Variants in FGD5 observed in about 807,000 individuals in gnomAD.
FGD5 encodes FYVE, RhoGEF and PH domain-containing protein 5.
Under a neutral mutation model 133.4 loss-of-function variants are expected in FGD5, and 28 were observed. The ratio of observed to expected loss-of-function variants is 0.21; its 90% confidence interval spans 0.16 to 0.29. FGD5 has a LOEUF of 0.29. FGD5 is among the 10% of genes least tolerant of loss of function. The probability of loss-of-function intolerance (pLI) is 1.00; values close to 1 mark genes in which losing one functional copy is unlikely to be tolerated. For synonymous variants in FGD5, 810 were observed against 776.5 expected (o/e 1.04, Z -0.72); for missense variants, 1,858 against 1,895.2 (o/e 0.98, Z 0.36).
At chr3:14,825,215 T>TA (rs1395191187) in intron 1 of FGD5, among the ~76,000 whole-genome samples, 1 of 152,238 alleles carries the variant, frequency 6.6e-6, no homozygotes, top group Admixed American at 6.5e-5. Flanking sequence ...TGTTAGTAGC[T>TA]ATAGTAATAC....
chr3:14,914,006 C>T (rs959472434), intron 11 of FGD5, among the ~76,000 whole-genome samples: 1 of 152,178 alleles, frequency 6.6e-6, no homozygotes, highest in African/African-American at 2.4e-5. Flanking sequence ...AGGCCTGCAT[C>T]CCTCTGATTA....
intron 2 of FGD5, among the ~76,000 whole-genome samples, chr3:14,879,348 C>G (rs1036196481): frequency 8.5e-5 from 13 of 152,244 alleles, no homozygotes; most frequent in African/African-American, 3.1e-4. Flanking sequence ...TCTCTGGATC[C>G]CAGCCACTAG....
intron 4 of FGD5, chr3:14,882,329 C>T: frequency 1.0e-6 from 1 of 985,110 alleles, no homozygotes; most frequent in South Asian, 4.7e-5. Context: ...TGCTTCCTGC[C>T]AGTTGGAAAG....
At chr3:14,845,064 T>A (rs185651066) in intron 1 of FGD5, among the ~76,000 whole-genome samples, 91 of 152,248 alleles carry the variant, frequency 6.0e-4, no homozygotes, top group Admixed American at 1.2e-3. Context: ...TTAGCAGAAA[T>A]TCTGCCTCCA....
At chr3:14,833,930 G>A (rs1397390786) in intron 1 of FGD5, among the ~76,000 whole-genome samples, 1 of 152,138 alleles carries the variant, frequency 6.6e-6, no homozygotes, top group Non-Finnish European at 1.5e-5. Flanking sequence ...CAGGTAGAAG[G>A]GGTGGGAAGG....
chr3:14,888,404 T>C (rs1311997050), intron 4 of FGD5, among the ~76,000 whole-genome samples: 1 of 152,184 alleles, frequency 6.6e-6, no homozygotes, highest in Non-Finnish European at 1.5e-5. Flanking sequence ...TGTTGCTTTT[T>C]CAGACTGGCA....
chr3:14,850,430 C>T (rs550893257), intron 1 of FGD5, among the ~76,000 whole-genome samples: 2 of 152,286 alleles, frequency 1.3e-5, no homozygotes, highest in East Asian at 1.9e-4. Context: ...CTTGTCTGGC[C>T]ACAGTGTTCT....
At chr3:14,814,944 C>T (rs2087920), upstream of FGD5, among the ~76,000 whole-genome samples, 7,465 of 152,204 alleles carry the variant, frequency 0.049, 620 homozygotes, top group African/African-American at 0.17. Context: ...CCCCTCAGCT[C>T]TCCCTTCCTG....
chr3:14,921,644 C>T (rs1179113504), intron 13 of FGD5, among the ~76,000 whole-genome samples: 1 of 152,212 alleles, frequency 6.6e-6, no homozygotes, highest in Non-Finnish European at 1.5e-5. Flanking sequence ...TGTGGTTCCA[C>T]GTCCCACATC....
intron 2 of FGD5, among the ~76,000 whole-genome samples, chr3:14,873,458 A>G (rs17040460): frequency 0.14 from 21,893 of 152,166 alleles, 1,912 homozygotes; most frequent in East Asian, 0.39. Context: ...ATAGGAGGCA[A>G]AAACAGATGG....
intron 4 of FGD5, chr3:14,882,154 C>A: frequency 3.4e-6 from 1 of 290,544 alleles, no homozygotes; most frequent in Non-Finnish European, 5.1e-6. Context: ...GCTTTTATAC[C>A]TAAAAGATCT....
intron 1 of FGD5, among the ~76,000 whole-genome samples, chr3:14,842,035 C>T (rs774337374): frequency 2.0e-5 from 3 of 152,258 alleles, no homozygotes; most frequent in Non-Finnish European, 4.4e-5. Flanking sequence ...CCAGCTTGGG[C>T]AGCTGCAGCT....
intron 11 of FGD5, among the ~76,000 whole-genome samples, chr3:14,912,186 G>C (rs2038462148): frequency 6.6e-6 from 1 of 152,152 alleles, no homozygotes; most frequent in African/African-American, 2.4e-5. Flanking sequence ...AGCTGGTGGT[G>C]CTGGTGGAGA....
At chr3:14,880,711 A>C in intron 3 of FGD5, 31 bp from the exon 4 acceptor site, 1 of 1,614,046 alleles carries the variant, frequency 6.2e-7, no homozygotes, top group Non-Finnish European at 8.5e-7. Context: ...GATGGGGATT[A>C]ATGCAGCCTC....
chr3:14,846,541 C>T (rs984884313), intron 1 of FGD5, among the ~76,000 whole-genome samples: 34 of 152,364 alleles, frequency 2.2e-4, no homozygotes, highest in Admixed American at 1.8e-3. Flanking sequence ...TCCAGACACC[C>T]GGCCACAGGC....
In FGD5 at chr3:14,821,446, G is replaced by T; in HGVS notation, c.2375G>T (p.Arg792Leu). The T allele has an allele frequency of 6.2e-7, 1 of 1,613,972 alleles. No individual in the cohort carries two copies. The stretch of plus-strand genomic sequence containing the variant: ...TATGAGAATATCCAGATTCCACCCC[G>T]GAGACCTGCCAGGGCTGGCGCGTTC... ...SDYENIQIPP[R>L]RPARAGAFTK... The change falls in exon 1 of 20, where the codon CGG becomes CTG. Residue 792 changes from arginine (R) to leucine (L), a missense_variant. Around this residue, in one of 3 missense-constraint regions of FGD5, gnomAD observed 1,824 missense variants for 1,848.9 expected, o/e 0.99. Transcript: ENST00000285046.
At chr3:14,811,166 C>T (rs1455269131) in intron 1 of FGD5, among the ~76,000 whole-genome samples, 2 of 152,182 alleles carry the variant, frequency 1.3e-5, no homozygotes, top group Non-Finnish European at 2.9e-5. Context: ...GTGAGGGTCC[C>T]TTCCACGACG....
chr3:14,924,169 G>T (rs1221002605), intron 17 of FGD5, 31 bp downstream of exon 17: 1 of 1,613,682 alleles, frequency 6.2e-7, no homozygotes, highest in Admixed American at 1.7e-5. Flanking sequence ...CAAGTGGGAA[G>T]TAGGGCATTT....
Position 14,875,178 on chromosome 3 carries a change from G to A in FGD5, c.2659-5394G>A, listed in dbSNP as rs555919051. 6.6e-5 allele frequency among the ~76,000 whole-genome samples: 10 copies of A among 152,246 alleles called. No individual in the cohort carries two copies. The South Asian group carries it at 1.5e-3, about 22-fold the overall frequency. ...TATCTGGGTTTCTGAGCACTCTCCC[G>A]TCTCCAGATGTGACTTCAGAATTCT... On this transcript the variant is annotated intron_variant, in intron 2 of 19. Coordinates refer to ENST00000285046, the MANE Select transcript of FGD5 (RefSeq NM_152536.4).
Sources: gnomAD v4.1 joint callset for allele counts (sites outside exome capture counted in the v4.1 genomes callset) on GRCh38, gnomAD v4.1.1 for gene constraint, gnomAD v4.1.1 regional missense constraint, MANE v1.5 for transcripts, NCBI Gene and HGNC (gene_info 2026-07-23, HGNC 2026-07-21) for gene names.